Variants in EPB41L1 observed in about 807,000 individuals in gnomAD.
The protein encoded by EPB41L1 is band 4.1-like protein 1.
A neutral mutation model predicts 97.8 loss-of-function variants in EPB41L1; 29 were observed. The ratio of observed to expected loss-of-function variants is 0.30; its 90% CI spans 0.22 to 0.40. The LOEUF (loss-of-function observed/expected upper bound fraction) is 0.40, where lower values mean the gene tolerates loss of function less well. Among genes scored for constraint, EPB41L1 ranks in the 10% least tolerant of loss-of-function variants. The probability of loss-of-function intolerance (pLI) is 1.00; values close to 1 mark genes in which losing one functional copy is unlikely to be tolerated. For synonymous variants in EPB41L1, 383 were observed against 459.2 expected (o/e 0.83, Z 2.12); for missense variants, 812 against 1,162.3 (o/e 0.70, Z 4.38).
intron 2 of EPB41L1, among the ~76,000 whole-genome samples, chr20:36,125,713 C>T (rs2058937358): frequency 6.6e-6 from 1 of 152,126 alleles, no homozygotes; most frequent in South Asian, 2.1e-4. Context: ...CAGGAGCTGG[C>T]ACTTTATCTG....
chr20:36,224,325 A>G (rs184641377), intron 21 of EPB41L1, among the ~76,000 whole-genome samples: 1 of 152,350 alleles, frequency 6.6e-6, no homozygotes, highest in African/African-American at 2.4e-5. Context: ...TAAGGGATAC[A>G]TCAGGTTAGG....
At chr20:36,220,016 C>T (rs1302151988) in intron 19 of EPB41L1, among the ~76,000 whole-genome samples, 172 bp downstream of exon 19, 2 of 152,282 alleles carry the variant, frequency 1.3e-5, no homozygotes, top group Non-Finnish European at 2.9e-5. Flanking sequence ...GTTCTAGGCA[C>T]GGGCCCTTCC....
intron 2 of EPB41L1, chr20:36,121,598 C>T (rs2058753725): frequency 6.6e-5 from 10 of 152,228 alleles, no homozygotes; most frequent in Admixed American, 5.9e-4. Flanking sequence ...CATGTGCTCA[C>T]AGGAGCCCAG....
chr20:36,219,093 G>A (rs2063618063), intron 18 of EPB41L1, 131 bp downstream of exon 18: 1 of 993,848 alleles, frequency 1.0e-6, no homozygotes, highest in Non-Finnish European at 1.5e-6. Flanking sequence ...CCAGGAAACT[G>A]GACCCTTTTC....
At chr20:36,156,358 A>C (rs1023298008) in intron 1 of EPB41L1, among the ~76,000 whole-genome samples, 6 of 152,266 alleles carry the variant, frequency 3.9e-5, no homozygotes, top group African/African-American at 1.2e-4. Context: ...TCCTGGGCTC[A>C]GCCCTGTGAG....
chr20:36,121,408 T>C (rs1280204576), intron 2 of EPB41L1, among the ~76,000 whole-genome samples: 1 of 152,190 alleles, frequency 6.6e-6, no homozygotes, highest in Non-Finnish European at 1.5e-5. Context: ...GGAGGTAGCA[T>C]GTGCTGGGAG....
At chr20:36,101,013 A>C (rs895392213) in intron 1 of EPB41L1, among the ~76,000 whole-genome samples, 4 of 151,934 alleles carry the variant, frequency 2.6e-5, no homozygotes, top group African/African-American at 9.7e-5. Context: ...CTTTTTTCCT[A>C]GTTATTGTTT....
At chr20:36,106,641 C>G (rs2058200008) in intron 1 of EPB41L1, among the ~76,000 whole-genome samples, 1 of 152,232 alleles carries the variant, frequency 6.6e-6, no homozygotes, top group Non-Finnish European at 1.5e-5. Flanking sequence ...AGATACCATT[C>G]TATTCAGAGG....
At position 36,190,214 on chromosome 20, in the gene EPB41L1, G is replaced by A; in HGVS notation, c.1027-63G>A. 1 of 1,285,884 alleles carries A rather than the reference G, an allele frequency of 7.8e-7. No homozygotes were observed. Among genetic ancestry groups the A allele is most frequent in the Non-Finnish European group, 1.1e-6 (1 of 886,966 alleles). The allele number at this position is 1,285,884 out of a possible 1,614,324, so 79.7% of individuals were successfully genotyped here. On this transcript the variant is annotated intron_variant, in intron 9 of 21. Coordinates refer to ENST00000338074, the MANE Select transcript of EPB41L1 (RefSeq NM_012156.2). The surrounding 1 kb of genome is among the most constrained non-coding windows in gnomAD (Gnocchi z 5.8). ...AAACAAATAAAATAAAAAACACAAAGAATGGGCTAGTGGCGAGAGTGAGCT... is the reference window on the plus strand; with the variant it reads ...AAACAAATAAAATAAAAAACACAAAAAATGGGCTAGTGGCGAGAGTGAGCT...
Position 36,176,615 on chromosome 20 carries a change from T to A in EPB41L1, c.342+900T>A, listed in dbSNP as rs375566096. On this transcript the variant is annotated intron_variant, in intron 3 of 21. Transcript: ENST00000338074. ...TTTGTTTTGTTTTTATGTACATGTA[T>A]TTTTTCTTTTTTTTCTTTTTTTTTT... is the stretch of plus-strand genomic sequence containing the variant. Among the ~76,000 whole-genome samples the A allele has an allele frequency of 8.6e-5, 13 of 150,794 alleles. No homozygotes were observed. In the South Asian group the frequency reaches 2.3e-3, roughly 27 times the overall value.
At chr20:36,174,208 C>G (rs2061122650) in intron 2 of EPB41L1, among the ~76,000 whole-genome samples, 1 of 152,150 alleles carries the variant, frequency 6.6e-6, no homozygotes, top group Admixed American at 6.5e-5. Context: ...CCGCCTCAGC[C>G]TCCTGAGTAG....
chr20:36,194,896 CATGCACACAGAT>C (rs2062120096), intron 12 of EPB41L1, among the ~76,000 whole-genome samples: 1 of 152,182 alleles, frequency 6.6e-6, no homozygotes, highest in Non-Finnish European at 1.5e-5. Flanking sequence ...CCCTTAGATC[CATGCACACAGAT>C]GTGCAAACAA....
rs1045571049 is a variant in EPB41L1, at chr20:36,231,902, G to C, written c.*2562G>C. 3 of 152,730 alleles carry C rather than the reference G, an allele frequency of 2.0e-5. No individual in the cohort carries two copies. The highest frequency in any genetic ancestry group is 7.2e-5 in the African/African-American group (3 of 41,420). 9.5% of individuals were successfully genotyped at this position (152,730 alleles called of 1,614,324 possible). On this transcript the variant is annotated 3_prime_UTR_variant, in exon 22 of 22. Transcript: ENST00000338074. Reference sequence around the variant, plus strand: ...GGCTCCATCCTCTCTGGGCCACTTCGGTCTAGGAACTCATCTTTGCAGGAA... The same window carrying C: ...GGCTCCATCCTCTCTGGGCCACTTCCGTCTAGGAACTCATCTTTGCAGGAA...
chr20:36,139,418 T>A (rs1211512968), intron 2 of EPB41L1, among the ~76,000 whole-genome samples: 2 of 152,350 alleles, frequency 1.3e-5, no homozygotes, highest in African/African-American at 2.4e-5. Context: ...CTTTCTGTCA[T>A]CCTTTAAAAA....
At chr20:36,154,453 C>G (rs1247566642), upstream of EPB41L1, among the ~76,000 whole-genome samples, 1 of 151,794 alleles carries the variant, frequency 6.6e-6, no homozygotes, top group Non-Finnish European at 1.5e-5. This position sits in a 1 kb window ranked among gnomAD's most constrained non-coding sequence, Gnocchi z 5.5. Context: ...GGTCTGGGAA[C>G]TGCCCGTGTG....
chr20:36,119,234 G>T (rs1241527724), intron 2 of EPB41L1, among the ~76,000 whole-genome samples: 2 of 152,252 alleles, frequency 1.3e-5, no homozygotes, highest in Admixed American at 6.5e-5. Flanking sequence ...GGCCAGCCCT[G>T]GGGAGAGCAG....
intron 2 of EPB41L1, among the ~76,000 whole-genome samples, chr20:36,127,574 A>C (rs1156796707): frequency 1.3e-5 from 2 of 152,170 alleles, no homozygotes; most frequent in Non-Finnish European, 1.5e-5. Context: ...TTCTAGGTCC[A>C]GGAAAGCTAG....
chr20:36,122,664 T>G (rs1316186897), intron 2 of EPB41L1: 1 of 152,442 alleles, frequency 6.6e-6, no homozygotes, highest in Non-Finnish European at 1.5e-5. Context: ...TGCCGCCTTT[T>G]CTACCTTTCT....
At chr20:36,225,928 T>C (rs2147176852) in intron 21 of EPB41L1, among the ~76,000 whole-genome samples, 1 of 152,318 alleles carries the variant, frequency 6.6e-6, no homozygotes, top group Middle Eastern at 3.4e-3. Context: ...TTTAGTTCTT[T>C]CTTTGCTGCC....
Sources: allele counts gnomAD v4.1 joint callset (sites outside exome capture counted in the v4.1 genomes callset), GRCh38; gene constraint gnomAD v4.1.1; non-coding constraint Gnocchi (gnomAD v3.1); transcripts MANE v1.5; gene names NCBI Gene and HGNC (gene_info 2026-07-23, HGNC 2026-07-21).